The following KIAA0232 variants were observed in gnomAD, a reference collection of about 807,000 sequenced individuals.
KIAA0232 encodes uncharacterized protein KIAA0232.
A neutral mutation model predicts 122.0 loss-of-function variants in KIAA0232; 27 were observed. The observed-to-expected ratio is 0.22, with a 90% CI of 0.16 to 0.31. The LOEUF (loss-of-function observed/expected upper bound fraction) is 0.31, where lower values mean the gene tolerates loss of function less well. KIAA0232 is among the 10% of genes least tolerant of loss of function. The pLI is 1.00. For synonymous variants in KIAA0232, 613 were observed against 587.6 expected (o/e 1.04, Z -0.63); for missense variants, 1,551 against 1,634.2 (o/e 0.95, Z 0.88).
At chr4:6,786,750 A>G (rs769712771) in intron 1 of KIAA0232, among the ~76,000 whole-genome samples, 3 of 152,188 alleles carry the variant, frequency 2.0e-5, no homozygotes, top group South Asian at 2.1e-4. Flanking sequence ...GGTATTTTAT[A>G]CAAAGTAAAA....
At chr4:6,785,798 C>T (rs1173936060) in intron 1 of KIAA0232, among the ~76,000 whole-genome samples, 1 of 152,220 alleles carries the variant, frequency 6.6e-6, no homozygotes, top group Non-Finnish European at 1.5e-5. Flanking sequence ...CCCCAGTCAT[C>T]TCTGTACTTT....
In KIAA0232 at chr4:6,851,633, G is replaced by A. The variant is rs116200245; in HGVS notation, c.370-5531G>A. On this transcript the variant is annotated intron_variant, in intron 4 of 9. Transcript: ENST00000307659. ...GAGGCTGAGAAGGTGGGAGCAACAC[G>A]TGAGTCCTGGAGGTCAAGGATATGG... 9.4e-3 allele frequency among the ~76,000 whole-genome samples: 1,412 copies of A among 150,702 alleles called. 22 individuals carry two copies. The highest frequency in any genetic ancestry group is 0.029 in the African/African-American group (1,208 of 41,088).
rs1352142916 is a variant in KIAA0232 at position 6,864,128 on chromosome 4, G to T, written c.3746G>T (p.Gly1249Val). The change falls in exon 7 of 10, where the codon GGT (glycine) becomes GTT (valine). Residue 1249 changes from glycine (G) to valine (V), a missense_variant. Around this residue, in one of 5 missense-constraint regions of KIAA0232, gnomAD observed 1,108 missense variants for 1,154.8 expected, o/e 0.96. Coordinates refer to ENST00000307659, the MANE Select transcript of KIAA0232 (RefSeq NM_014743.3). ...AATAATTTTTGTGGTTGCAAAGCAG[G>T]TTGTCAGTTTCCTGCTTATGAAGAT... ...EINNFCGCKA[G>V]CQFPAYEDNP... 6.2e-7 allele frequency: 1 copy of T among 1,614,032 alleles called. No homozygotes were observed. Among genetic ancestry groups the T allele is most frequent in the East Asian group, 2.2e-5 (1 of 44,886 alleles).
intron 3 of KIAA0232, among the ~76,000 whole-genome samples, chr4:6,831,940 T>A (rs987411899): frequency 6.6e-6 from 1 of 152,224 alleles, no homozygotes; most frequent in Non-Finnish European, 1.5e-5. Flanking sequence ...CAGCTGCAGA[T>A]GTCAGTGCCC....
At position 6,882,039 on chromosome 4, in the gene KIAA0232, T is replaced by C. The variant is rs1434870188; in HGVS notation, c.*1073T>C. 6.6e-6 allele frequency: 1 copy of C among 152,538 alleles called. No homozygotes were observed. The highest frequency in any genetic ancestry group is 2.4e-5 in the African/African-American group (1 of 41,420). 9.4% of individuals were successfully genotyped at this position (152,538 alleles called of 1,614,324 possible). A position where few individuals can be genotyped will look rare whatever the true frequency, so the allele number is the denominator to read the frequency against. On this transcript the variant is annotated 3_prime_UTR_variant, in exon 10 of 10. Transcript: ENST00000307659. ...AGTTTTCCACATCCCTGTGTGGTGG[T>C]TTTGCTGACTGTCGCTCCGTGGGAC... is the stretch of plus-strand genomic sequence containing the variant.
At chr4:6,845,756 C>T (rs2108751016) in intron 4 of KIAA0232, among the ~76,000 whole-genome samples, 1 of 152,194 alleles carries the variant, frequency 6.6e-6, no homozygotes, top group Non-Finnish European at 1.5e-5. Context: ...ATGAGCCTAG[C>T]CTTTGACTCA....
Position 6,857,154 on chromosome 4 carries a change from T to C in KIAA0232, c.370-10T>C, listed in dbSNP as rs1396665107. On this transcript the variant is annotated splice_polypyrimidine_tract_variant and intron_variant, in intron 4 of 9. Coordinates refer to ENST00000307659, the MANE Select transcript of KIAA0232 (RefSeq NM_014743.3). ...GCTGTAACCTAATGTGTCTTTTTGT[T>C]GTCATGCAGAGCTCTGGTATCGAGA... is the stretch of plus-strand genomic sequence containing the variant. The C allele has an allele frequency of 1.3e-6, 2 of 1,590,612 alleles. No individual in the cohort carries two copies. The highest frequency in any genetic ancestry group is 1.7e-6 in the Non-Finnish European group (2 of 1,167,594).
chr4:6,798,575 A>G (rs1473307654), intron 1 of KIAA0232, among the ~76,000 whole-genome samples: 1 of 152,144 alleles, frequency 6.6e-6, no homozygotes, highest in East Asian at 1.9e-4. Flanking sequence ...TATTTTTGAG[A>G]CAGGGTCTCG....
At chr4:6,871,128 AAC>A (rs911725655) in intron 7 of KIAA0232, among the ~76,000 whole-genome samples, 4 of 152,040 alleles carry the variant, frequency 2.6e-5, no homozygotes, top group Non-Finnish European at 5.9e-5. Context: ...TTTTTTTCAG[AAC>A]ATTATAAAAA....
intron 4 of KIAA0232, among the ~76,000 whole-genome samples, chr4:6,856,835 G>A (rs959544860): frequency 2.0e-5 from 3 of 152,142 alleles, no homozygotes; most frequent in Admixed American, 6.5e-5. Context: ...ACTTTTGGTC[G>A]TATGATGGAC....
intron 9 of KIAA0232, among the ~76,000 whole-genome samples, chr4:6,877,872 C>A (rs1224481600): frequency 1.3e-5 from 2 of 152,154 alleles, no homozygotes; most frequent in Admixed American, 6.5e-5. Context: ...AGTTGACACT[C>A]AGTATTAACC....
At position 6,843,927 on chromosome 4, in the gene KIAA0232, C is replaced by CTTTTTTTTTT. The variant is rs373793407; in HGVS notation, c.369+1746_369+1755dup. Among the ~76,000 whole-genome samples the CTTTTTTTTTT allele has an allele frequency of 4.7e-4, 22 of 46,360 alleles. 4 individuals are homozygous for CTTTTTTTTTT. The highest frequency in any genetic ancestry group is 1.5e-3 in the African/African-American group (22 of 14,678). 30.4% of individuals were successfully genotyped at this position (46,360 alleles called of 152,430 possible). A position where few individuals can be genotyped will look rare whatever the true frequency, so the allele number is the denominator to read the frequency against. ...GGCGCAAGGACCGTGAGTTACCCATCTTTTTTTTTTTTTTTTTTTTTTTTT... is the reference window on the plus strand; with the variant it reads ...GGCGCAAGGACCGTGAGTTACCCATCTTTTTTTTTTTTTTTTTTTTTTTTTTTTTTTTTTT... On this transcript the variant is annotated intron_variant, in intron 4 of 9. Coordinates refer to ENST00000307659, the MANE Select transcript of KIAA0232 (RefSeq NM_014743.3).
At chr4:6,837,194 C>T (rs187994255) in intron 3 of KIAA0232, among the ~76,000 whole-genome samples, 2,291 of 150,992 alleles carry the variant, frequency 0.015, 52 homozygotes, top group African/African-American at 0.052. Flanking sequence ...ACTTCCCAGG[C>T]GGGGCGGCTG....
At chr4:6,827,604 C>T (rs371115397) in intron 3 of KIAA0232, among the ~76,000 whole-genome samples, 2 of 152,234 alleles carry the variant, frequency 1.3e-5, no homozygotes, top group African/African-American at 4.8e-5. Flanking sequence ...CATCACTTTT[C>T]TGTTTTAGGC....
intron 3 of KIAA0232, among the ~76,000 whole-genome samples, chr4:6,825,221 A>T (rs1336191224): frequency 6.6e-6 from 1 of 152,190 alleles, no homozygotes; most frequent in African/African-American, 2.4e-5. Flanking sequence ...CAAGTTGGTC[A>T]TTACACATTT....
At chr4:6,845,045 C>T (rs547589382) in intron 4 of KIAA0232, among the ~76,000 whole-genome samples, 1 of 152,232 alleles carries the variant, frequency 6.6e-6, no homozygotes. Flanking sequence ...GTCATTCCCT[C>T]TCTGTCCAAA....
chr4:6,793,814 G>C (rs1485008102), intron 1 of KIAA0232, among the ~76,000 whole-genome samples: 1 of 152,194 alleles, frequency 6.6e-6, no homozygotes, highest in South Asian at 2.1e-4. Context: ...AACTCTGAGA[G>C]AGATGGGATG....
intron 4 of KIAA0232, among the ~76,000 whole-genome samples, chr4:6,849,369 C>A (rs931334120): frequency 6.6e-6 from 1 of 152,186 alleles, no homozygotes; most frequent in African/African-American, 2.4e-5. Context: ...TGCCTGTAAT[C>A]CCAGCACTTT....
At chr4:6,865,239 ACT>A (rs1188626771) in intron 7 of KIAA0232, among the ~76,000 whole-genome samples, 1 of 152,134 alleles carries the variant, frequency 6.6e-6, no homozygotes, top group Admixed American at 6.5e-5. Context: ...CCATTTTTCC[ACT>A]GTTTTCGATA....
Sources: allele counts gnomAD v4.1 joint callset (sites outside exome capture counted in the v4.1 genomes callset), GRCh38; gene constraint gnomAD v4.1.1; regional missense constraint gnomAD v4.1.1; transcripts MANE v1.5; gene names NCBI Gene and HGNC (gene_info 2026-07-23, HGNC 2026-07-21).